Variants in PALM2AKAP2 observed in about 807,000 individuals in gnomAD.
PALM2AKAP2 encodes the protein PALM2 and AKAP2 fusion.
PALM2AKAP2 carries 37 observed loss-of-function variants against 71.5 expected under a neutral mutation model. The observed-to-expected ratio is 0.52, with a 90% CI of 0.40 to 0.68. The LOEUF (loss-of-function observed/expected upper bound fraction) is 0.68, where lower values mean the gene tolerates loss of function less well. PALM2AKAP2 is among the 30% of genes least tolerant of loss of function. The pLI, the probability that PALM2AKAP2 is intolerant of heterozygous loss-of-function variation, is 0.00. For missense variants in PALM2AKAP2, 1,224 were observed against 1,191.8 expected, an observed-to-expected ratio of 1.03 and a Z score of -0.40; for synonymous variants, 468 against 478.8, an observed-to-expected ratio of 0.98 and a Z score of 0.29.
chr9:109,756,746 T>C (rs1828969878), intron 1 of PALM2AKAP2, among the ~76,000 whole-genome samples: 1 of 152,166 alleles, frequency 6.6e-6, no homozygotes, highest in South Asian at 2.1e-4. Flanking sequence ...TCACCACCAG[T>C]TGGAATTTCA....
intron 1 of PALM2AKAP2, among the ~76,000 whole-genome samples, chr9:110,055,009 C>T (rs972240653): frequency 4.6e-5 from 7 of 152,128 alleles, no homozygotes; most frequent in African/African-American, 1.7e-4. Context: ...GCCCCCCGCC[C>T]CTACCCGCCA....
At chr9:109,901,347 A>G (rs1830326955) in intron 3 of PALM2AKAP2, among the ~76,000 whole-genome samples, 1 of 152,272 alleles carries the variant, frequency 6.6e-6, no homozygotes, top group South Asian at 2.1e-4. Context: ...GGAGGTTGTC[A>G]CTATCTCTGG....
At chr9:110,162,164 T>C (rs1260781568) in intron 3 of PALM2AKAP2, 32 bp downstream of exon 10, 1 of 1,612,002 alleles carries the variant, frequency 6.2e-7, no homozygotes, top group African/African-American at 1.3e-5. Flanking sequence ...TTGGTCTTAC[T>C]GAATGCATGA....
At chr9:110,008,644 G>T (rs190769045) in intron 6 of PALM2AKAP2, among the ~76,000 whole-genome samples, 19 of 152,194 alleles carry the variant, frequency 1.2e-4, no homozygotes, top group African/African-American at 4.1e-4. Context: ...CTATGCTGGT[G>T]TAATAAACAA....
chr9:109,755,862 A>G (rs1380812968), intron 1 of PALM2AKAP2, among the ~76,000 whole-genome samples: 1 of 152,160 alleles, frequency 6.6e-6, no homozygotes, highest in Non-Finnish European at 1.5e-5. Context: ...GCTTTTGCAC[A>G]GAGTAATCAT....
At chr9:109,943,264 G>A (rs374676824) in intron 6 of PALM2AKAP2, 32 of 1,614,222 alleles carry the variant, frequency 2.0e-5, no homozygotes, top group African/African-American at 1.2e-4. Context: ...AGTGACGGAC[G>A]TGTCCACTAT....
intron 1 of PALM2AKAP2, among the ~76,000 whole-genome samples, chr9:109,767,836 G>A (rs1000429744): frequency 3.2e-5 from 3 of 95,006 alleles, no homozygotes; most frequent in Non-Finnish European, 6.0e-5. Flanking sequence ...TGGATTCTAG[G>A]TGGAAAAAAG....
At chr9:110,053,349 A>G (rs1833750548) in intron 1 of PALM2AKAP2, among the ~76,000 whole-genome samples, 1 of 151,970 alleles carries the variant, frequency 6.6e-6, no homozygotes, top group Admixed American at 6.6e-5. Context: ...AACATGGTGA[A>G]ACCCTGCCTC....
intron 6 of PALM2AKAP2, among the ~76,000 whole-genome samples, chr9:110,014,845 TATATATAC>T (rs1832951893): frequency 1.1e-5 from 1 of 94,774 alleles, no homozygotes; most frequent in East Asian, 3.5e-4. Context: ...TATATATATA[TATATATAC>T]ACACACACAC....
intron 1 of PALM2AKAP2, among the ~76,000 whole-genome samples, chr9:109,748,669 C>T (rs981536873): frequency 2.0e-5 from 3 of 152,150 alleles, no homozygotes; most frequent in African/African-American, 7.2e-5. Flanking sequence ...GGGAATTACA[C>T]TTTGATTTTG....
intron 7 of PALM2AKAP2, among the ~76,000 whole-genome samples, chr9:110,017,133 C>T (rs1251599483): frequency 6.6e-6 from 1 of 152,220 alleles, no homozygotes; most frequent in African/African-American, 2.4e-5. Flanking sequence ...CCTGCCTTGG[C>T]CTCCCAAAGT....
At chr9:109,719,095 AT>A (rs1467012843) in intron 1 of PALM2AKAP2, among the ~76,000 whole-genome samples, 1 of 152,178 alleles carries the variant, frequency 6.6e-6, no homozygotes, top group African/African-American at 2.4e-5. Context: ...AAAATAAACA[AT>A]TTTTGAAAAT....
chr9:110,168,519 G>A (rs541309382), exon 4 of PALM2AKAP2: 37 of 1,612,828 alleles, frequency 2.3e-5, no homozygotes, highest in South Asian at 1.7e-4. Context: ...CCCAGGAAGC[G>A]TCTTTGGTGC....
chr9:109,929,183 G>T (rs73539437), intron 5 of PALM2AKAP2, among the ~76,000 whole-genome samples: 25,211 of 116,298 alleles, frequency 0.22, 3,046 homozygotes, highest in East Asian at 0.58. Context: ...TTTTTTTTTT[G>T]TTTCTTTTTT....
intron 1 of PALM2AKAP2, among the ~76,000 whole-genome samples, chr9:109,784,269 T>C (rs955658615): frequency 6.6e-6 from 1 of 152,120 alleles, no homozygotes; most frequent in African/African-American, 2.4e-5. Context: ...ATGGAAGAAA[T>C]AGAAAAGCAC....
At chr9:109,880,487 G>C (rs1829820534) in intron 2 of PALM2AKAP2, 64 bp from the exon 3 acceptor site, 1 of 1,585,586 alleles carries the variant, frequency 6.3e-7, no homozygotes, top group South Asian at 1.1e-5. Flanking sequence ...CACCACTGCA[G>C]AGGGAGAGGA....
At chr9:110,118,911 G>A (rs1231875427) in intron 1 of PALM2AKAP2, among the ~76,000 whole-genome samples, 1 of 152,150 alleles carries the variant, frequency 6.6e-6, no homozygotes, top group African/African-American at 2.4e-5. Context: ...TCATATTCAT[G>A]TTTGTTAACA....
chr9:110,027,764 GT>G (rs1369683891), intron 7 of PALM2AKAP2, among the ~76,000 whole-genome samples: 1 of 152,186 alleles, frequency 6.6e-6, no homozygotes, highest in Non-Finnish European at 1.5e-5. Flanking sequence ...GACTCTTCCG[GT>G]GGTGAATAGA....
chr9:110,142,937 G>A (rs1836069815), intron 2 of PALM2AKAP2, among the ~76,000 whole-genome samples: 1 of 152,198 alleles, frequency 6.6e-6, no homozygotes, highest in African/African-American at 2.4e-5. Context: ...CCTTCACTGT[G>A]AGTTGATGGA....
Sources: gnomAD v4.1 joint callset for allele counts (sites outside exome capture counted in the v4.1 genomes callset) on GRCh38, gnomAD v4.1.1 for gene constraint, MANE v1.5 for transcripts, NCBI Gene and HGNC (gene_info 2026-07-23, HGNC 2026-07-21) for gene names.